Variants in STK38L observed in about 807,000 individuals in gnomAD.
The protein encoded by STK38L is serine/threonine kinase 38 like.
In STK38L, 28 loss-of-function variants were observed where a neutral mutation model predicts 59.7. The observed-to-expected ratio is 0.47, with a 90% CI of 0.35 to 0.64. The LOEUF (loss-of-function observed/expected upper bound fraction) is 0.64, where lower values mean the gene tolerates loss of function less well. Ranked by LOEUF, STK38L falls within the 30% of genes least tolerant of loss-of-function variation. The pLI, the probability that STK38L is intolerant of heterozygous loss-of-function variation, is 0.01. For missense variants in STK38L, 314 were observed against 555.8 expected (o/e 0.56, Z 4.37); for synonymous variants, 162 against 176.8 (o/e 0.92, Z 0.66).
chr12:27,256,853 C>A (rs560894207), intron 1 of STK38L, among the ~76,000 whole-genome samples: 3 of 152,264 alleles, frequency 2.0e-5, no homozygotes, highest in African/African-American at 7.2e-5. Flanking sequence ...GACCTCTTGC[C>A]TTCCTGGTCA....
In STK38L at chr12:27,324,031, T is replaced by G. The variant is rs1944788132; in HGVS notation, c.*1576T>G. On this transcript the variant is annotated 3_prime_UTR_variant, in exon 14 of 14. Transcript: ENST00000389032. The stretch of plus-strand genomic sequence containing the variant: ...GAATGTCTTCCTAATGGGGAAGAAT[T>G]GCATAGGAGCATTATGCAAATCTAC... 1 of 151,516 alleles carries G rather than the reference T, an allele frequency of 6.6e-6. No homozygotes were observed. The highest frequency in any genetic ancestry group is 2.4e-5 in the African/African-American group (1 of 41,194). The allele number at this position is 151,516 out of a possible 1,614,324, so 9.4% of individuals were successfully genotyped here. A position where few individuals can be genotyped will look rare whatever the true frequency, so the allele number is the denominator to read the frequency against.
At chr12:27,296,523 A>G (rs373400923) in intron 1 of STK38L, among the ~76,000 whole-genome samples, 356 of 152,312 alleles carry the variant, frequency 2.3e-3, no homozygotes, top group African/African-American at 8.2e-3. Context: ...CAACCCTGGA[A>G]TCTAGTCCAC....
chr12:27,306,621 A>T (rs1346094908), intron 3 of STK38L, among the ~76,000 whole-genome samples: 1 of 151,796 alleles, frequency 6.6e-6, no homozygotes. Flanking sequence ...TAATTATATC[A>T]ATGTAATTTT....
At chr12:27,317,763 G>T in intron 10 of STK38L, 133 bp from the exon 11 acceptor site, 1 of 1,087,994 alleles carries the variant, frequency 9.2e-7, no homozygotes, top group Non-Finnish European at 1.3e-6. Context: ...ATTGTAAATT[G>T]ATGAATGGTG....
chr12:27,311,056 A>C (rs1422891537), intron 5 of STK38L, among the ~76,000 whole-genome samples: 1 of 152,240 alleles, frequency 6.6e-6, no homozygotes, highest in East Asian at 1.9e-4. Context: ...TATAGGTCAT[A>C]CTTTCCAACC....
At chr12:27,268,119 AT>A (rs752465643) in intron 1 of STK38L, among the ~76,000 whole-genome samples, 22 of 151,624 alleles carry the variant, frequency 1.5e-4, no homozygotes, top group Admixed American at 8.5e-4. Flanking sequence ...TGTGATGCTA[AT>A]TTTTTTTTAA....
intron 1 of STK38L, among the ~76,000 whole-genome samples, chr12:27,267,955 A>G (rs909721661): frequency 7.2e-5 from 11 of 152,198 alleles, no homozygotes; most frequent in Non-Finnish European, 1.6e-4. Context: ...GGAATTCTTC[A>G]TGCATTCAAG....
intron 2 of STK38L, among the ~76,000 whole-genome samples, chr12:27,299,564 G>A (rs1944112681): frequency 6.6e-6 from 1 of 152,074 alleles, no homozygotes; most frequent in Non-Finnish European, 1.5e-5. Flanking sequence ...AAATAATAGC[G>A]ATAATATCTT....
chr12:27,275,591 G>A (rs567113372), intron 1 of STK38L, among the ~76,000 whole-genome samples: 8 of 151,866 alleles, frequency 5.3e-5, no homozygotes, highest in South Asian at 2.1e-4. Flanking sequence ...CGCTCACCTC[G>A]GCCTCCCAAA....
At chr12:27,255,184 A>G (rs1684045641) in intron 1 of STK38L, among the ~76,000 whole-genome samples, 1 of 152,226 alleles carries the variant, frequency 6.6e-6, no homozygotes, top group Admixed American at 6.5e-5. Context: ...GGTGGCAGAA[A>G]GTAAAGGGAT....
intron 1 of STK38L, among the ~76,000 whole-genome samples, chr12:27,271,941 C>T (rs1187093882): frequency 6.6e-6 from 1 of 152,200 alleles, no homozygotes; most frequent in African/African-American, 2.4e-5. Context: ...ATCAAGTGAT[C>T]CACCTGCCTT....
intron 5 of STK38L, among the ~76,000 whole-genome samples, chr12:27,312,159 G>A (rs149486425): frequency 0.026 from 3,968 of 152,290 alleles, 67 homozygotes; most frequent in Non-Finnish European, 0.039. Flanking sequence ...GATTACAGGC[G>A]TGAGCCACTG....
chr12:27,296,552 G>T (rs1944027225), intron 1 of STK38L, among the ~76,000 whole-genome samples: 1 of 152,170 alleles, frequency 6.6e-6, no homozygotes, highest in African/African-American at 2.4e-5. Flanking sequence ...CACATCCAGG[G>T]CTCTGTATCT....
intron 3 of STK38L, among the ~76,000 whole-genome samples, chr12:27,306,596 C>A (rs1944318369): frequency 6.6e-6 from 1 of 151,954 alleles, no homozygotes; most frequent in African/African-American, 2.4e-5. Flanking sequence ...TTGTTTCAGG[C>A]CACATTTGTT....
chr12:27,260,976 GACTT>G (rs1943192972), intron 1 of STK38L, among the ~76,000 whole-genome samples: 1 of 152,146 alleles, frequency 6.6e-6, no homozygotes, highest in South Asian at 2.1e-4. Context: ...TCTCAGGCAG[GACTT>G]ACTTTTCTTT....
intron 1 of STK38L, among the ~76,000 whole-genome samples, chr12:27,291,306 T>G (rs1233937468): frequency 1.3e-5 from 2 of 152,198 alleles, no homozygotes; most frequent in Non-Finnish European, 2.9e-5. Context: ...AGTGTGTCAG[T>G]GTATTTCATG....
rs1338106126 is a variant in STK38L at position 27,322,355 on chromosome 12, A to G, written c.1295A>G (p.Lys432Arg). ...PVPNTTEPDY[K>R]SKDWVFLNYT... ...CCAAATACCACAGAACCGGACTACA[A>G]ATCCAAAGACTGGGTTTTTCTCAAT... Residue 432 changes from lysine (K) to arginine (R), a missense_variant, in exon 14 of 14, where the codon AAA (lysine) becomes AGA (arginine). Coordinates refer to ENST00000389032, the MANE Select transcript of STK38L (RefSeq NM_015000.4). 2 of 1,614,014 alleles carry G rather than the reference A, an allele frequency of 1.2e-6. No homozygotes were observed. The highest frequency in any genetic ancestry group is 1.7e-6 in the Non-Finnish European group (2 of 1,179,930).
chr12:27,249,860 T>G (rs188619694), intron 1 of STK38L, among the ~76,000 whole-genome samples: 3 of 152,366 alleles, frequency 2.0e-5, no homozygotes, highest in Admixed American at 1.3e-4. Flanking sequence ...CATTGTTTTC[T>G]TACCTCTTTG....
intron 1 of STK38L, among the ~76,000 whole-genome samples, chr12:27,266,697 A>T (rs1019848784): frequency 7.9e-5 from 12 of 152,226 alleles, no homozygotes; most frequent in African/African-American, 2.9e-4. Flanking sequence ...CTTACTGGAG[A>T]ATCCATTCCT....
Sources: allele counts gnomAD v4.1 joint callset (sites outside exome capture counted in the v4.1 genomes callset), GRCh38; gene constraint gnomAD v4.1.1; transcripts MANE v1.5; gene names NCBI Gene and HGNC (gene_info 2026-07-23, HGNC 2026-07-21).